NFILZ: variants seen among roughly 807,000 people sequenced by gnomAD.
NFILZ encodes NFIL3 like basic leucine zipper, also known as NFIL3 like protein.
chr19:8,636,445 C>CTT (rs1191329112), intron 3 of NFILZ, among the ~76,000 whole-genome samples: 22,140 of 104,252 alleles, frequency 0.21, 2,819 homozygotes, highest in Middle Eastern at 0.33. Context: ...GAGACTCCAT[C>CTT]TTTTTTTTTT....
intron 3 of NFILZ, among the ~76,000 whole-genome samples, chr19:8,659,406 G>C (rs2043019590): frequency 6.6e-6 from 1 of 152,156 alleles, no homozygotes; most frequent in Non-Finnish European, 1.5e-5. Context: ...GATCAGAGGA[G>C]GGGGATAGAG....
At chr19:8,653,293 C>A (rs1247687340) in intron 3 of NFILZ, among the ~76,000 whole-genome samples, 1 of 152,030 alleles carries the variant, frequency 6.6e-6, no homozygotes, top group Non-Finnish European at 1.5e-5. Context: ...GTTGGCCAGT[C>A]TGGCCTCGAA....
chr19:8,641,305 G>A (rs1453478144), intron 3 of NFILZ, among the ~76,000 whole-genome samples: 1 of 151,962 alleles, frequency 6.6e-6, no homozygotes, highest in Non-Finnish European at 1.5e-5. Context: ...GCTCACCTCA[G>A]CCTCCAAAAG....
intron 2 of NFILZ, among the ~76,000 whole-genome samples, chr19:8,634,359 C>T (rs2042885089): frequency 6.6e-6 from 1 of 151,848 alleles, no homozygotes. Context: ...TGCAGTGGTG[C>T]AATCCAGCCT....
At chr19:8,661,855 A>G (rs1398120074) in intron 3 of NFILZ, among the ~76,000 whole-genome samples, 1 of 152,166 alleles carries the variant, frequency 6.6e-6, no homozygotes, top group East Asian at 1.9e-4. Context: ...ACTGTAATCC[A>G]GCCTGGGCGA....
intron 3 of NFILZ, among the ~76,000 whole-genome samples, chr19:8,639,880 G>T (rs1326551190): frequency 6.6e-6 from 1 of 152,144 alleles, no homozygotes; most frequent in Non-Finnish European, 1.5e-5. Context: ...TTGTTGTTGT[G>T]AAAGAATCTC....
intron 3 of NFILZ, among the ~76,000 whole-genome samples, chr19:8,663,750 G>GTATGTGTATGTGTGTA (rs1403759520): frequency 1.5e-5 from 2 of 137,064 alleles, no homozygotes; most frequent in African/African-American, 5.5e-5. Context: ...GTGTGTGTGT[G>GTATGTGTATGTGTGTA]TGTGTGTGTG....
intron 3 of NFILZ, among the ~76,000 whole-genome samples, chr19:8,665,062 A>T (rs1555749630): frequency 2.6e-4 from 40 of 151,074 alleles, no homozygotes; most frequent in Non-Finnish European, 1.5e-5. Context: ...AATATCTCAC[A>T]CTCTTATATT....
At chr19:8,639,334 T>C (rs1555746423) in intron 3 of NFILZ, among the ~76,000 whole-genome samples, 1 of 151,984 alleles carries the variant, frequency 6.6e-6, no homozygotes, top group African/African-American at 2.4e-5. Context: ...CCCAGCACTT[T>C]GGGAGGCTGA....
At chr19:8,644,666 G>T (rs1158774814) in intron 3 of NFILZ, among the ~76,000 whole-genome samples, 1 of 150,552 alleles carries the variant, frequency 6.6e-6, no homozygotes, top group South Asian at 2.1e-4. Flanking sequence ...GGGTCTTACC[G>T]TGTTGCCCAG....
intron 3 of NFILZ, among the ~76,000 whole-genome samples, chr19:8,647,840 TG>T (rs2042948434): frequency 2.2e-5 from 2 of 89,148 alleles, no homozygotes; most frequent in Non-Finnish European, 4.6e-5. Context: ...CACACACAAC[TG>T]GGGCCTGTTG....
chr19:8,632,245 AGTGTGTGTGT>A (rs35056229), intron 1 of NFILZ, among the ~76,000 whole-genome samples: 3 of 145,236 alleles, frequency 2.1e-5, no homozygotes, highest in African/African-American at 5.1e-5. Flanking sequence ...CCCGCCATAC[AGTGTGTGTGT>A]GTGTGTGTGT....
At chr19:8,674,194 G>T (rs1177579226) in intron 3 of NFILZ, among the ~76,000 whole-genome samples, 1 of 152,178 alleles carries the variant, frequency 6.6e-6, no homozygotes, top group Non-Finnish European at 1.5e-5. Flanking sequence ...GGCCTCCTGA[G>T]CACATGAGCA....
At position 8,678,109 on chromosome 19, in the gene NFILZ, CCA is replaced by C. The variant is rs2043124157; in HGVS notation, c.*475_*476del. On this transcript the variant is annotated 3_prime_UTR_variant, in exon 6 of 6. Coordinates refer to ENST00000691075, the MANE Select transcript of NFILZ (RefSeq NM_001378600.1). ...CCATCCATTCCATCCATCCATCCAT[CCA>C]TCCATCCATCCATCCCTCCATCCAT... Among the ~76,000 whole-genome samples the C allele has an allele frequency of 1.1e-4, 1 of 8,942 alleles. No individual in the cohort carries two copies. Among genetic ancestry groups the C allele is most frequent in the African/African-American group, 3.1e-4 (1 of 3,240 alleles). 5.9% of individuals were successfully genotyped at this position (8,942 alleles called of 152,430 possible).
chr19:8,674,042 G>A (rs978180465), intron 3 of NFILZ, among the ~76,000 whole-genome samples: 27 of 152,220 alleles, frequency 1.8e-4, no homozygotes, highest in African/African-American at 6.3e-4. Context: ...GGGTTTCACC[G>A]TGTTAGCCAG....
intron 2 of NFILZ, among the ~76,000 whole-genome samples, chr19:8,634,961 C>T (rs77976062): frequency 1.4e-4 from 22 of 152,004 alleles, no homozygotes; most frequent in Admixed American, 9.2e-4. Flanking sequence ...TATTAGTATA[C>T]GATTCTGTGA....
intron 3 of NFILZ, among the ~76,000 whole-genome samples, chr19:8,656,512 C>CT (rs1178275538): frequency 1.6e-4 from 9 of 56,414 alleles, no homozygotes; most frequent in South Asian, 5.9e-4. Flanking sequence ...CCCACCTTCT[C>CT]CTGCAGCCCA....
rs1555746259 is a variant in NFILZ, at chr19:8,637,933, A to AAAAAAAG, written c.-164+2188_-164+2189insAAAAAGA. Reference sequence around the variant, plus strand: ...GTCTCAAAAAAAAAAAAAAAAAAAAAAGAAAAGAACAGAAAAAGAAAAACA... The same window carrying AAAAAAAG: ...GTCTCAAAAAAAAAAAAAAAAAAAAAAAAAAAGAGAAAAGAACAGAAAAAGAAAAACA... On this transcript the variant is annotated intron_variant, in intron 3 of 5. Coordinates refer to ENST00000691075, the MANE Select transcript of NFILZ (RefSeq NM_001378600.1). Among the ~76,000 whole-genome samples the AAAAAAAG allele has an allele frequency of 6.7e-5, 10 of 149,538 alleles. No individual in the cohort carries two copies. The South Asian group carries it at 8.5e-4, about 13-fold the overall frequency.
At chr19:8,665,636 T>C (rs940345400) in intron 3 of NFILZ, among the ~76,000 whole-genome samples, 7 of 152,196 alleles carry the variant, frequency 4.6e-5, no homozygotes, top group Non-Finnish European at 8.8e-5. Flanking sequence ...CCTTCATGCC[T>C]GACTCATTTC....
Sources: gnomAD v4.1 joint callset for allele counts (sites outside exome capture counted in the v4.1 genomes callset) on GRCh38, gnomAD v4.1.1 for gene constraint, MANE v1.5 for transcripts, NCBI Gene and HGNC (gene_info 2026-07-23, HGNC 2026-07-21) for gene names.